TRAPPC6B: variants seen among roughly 807,000 people sequenced by gnomAD.
TRAPPC6B encodes the protein trafficking protein particle complex subunit 6B.
TRAPPC6B carries 27 observed loss-of-function variants against 24.7 expected under a neutral mutation model. The ratio of observed to expected loss-of-function variants is 1.09; its 90% CI spans 0.81 to 1.51. TRAPPC6B has a LOEUF of 1.51. TRAPPC6B is among the 40% of genes most tolerant of loss of function. TRAPPC6B has a pLI of 0.00. For missense variants in TRAPPC6B, 212 were observed against 190.8 expected (o/e 1.11, Z -0.66); for synonymous variants, 80 against 66.6 (o/e 1.20, Z -0.98).
At chr14:39,153,122 C>A (rs2052934309) in intron 4 of TRAPPC6B, among the ~76,000 whole-genome samples, 1 of 151,844 alleles carries the variant, frequency 6.6e-6, no homozygotes, top group Admixed American at 6.6e-5. Context: ...GAAACCCTGT[C>A]TCTACTAAAG....
intron 1 of TRAPPC6B, among the ~76,000 whole-genome samples, chr14:39,160,486 G>A (rs2053042618): frequency 6.6e-6 from 1 of 151,900 alleles, no homozygotes. Flanking sequence ...TGGATTGCTT[G>A]AGTCCAGGAA....
intron 1 of TRAPPC6B, among the ~76,000 whole-genome samples, 165 bp from the exon 2 acceptor site, chr14:39,159,715 AC>A (rs1365404402): frequency 6.6e-6 from 1 of 151,908 alleles, no homozygotes; most frequent in African/African-American, 2.4e-5. Flanking sequence ...TATTTATTTT[AC>A]TTTACTTTTA....
intron 5 of TRAPPC6B, among the ~76,000 whole-genome samples, chr14:39,150,921 A>C (rs1216885668): frequency 6.6e-6 from 1 of 152,172 alleles, no homozygotes; most frequent in Admixed American, 6.5e-5. Flanking sequence ...ATTTGGGTAC[A>C]GTATTTCATG....
chr14:39,168,091 C>A (rs2139391748), intron 1 of TRAPPC6B, among the ~76,000 whole-genome samples: 1 of 152,050 alleles, frequency 6.6e-6, no homozygotes, highest in Admixed American at 6.5e-5. Flanking sequence ...TGGCCGGCAC[C>A]TGTAATTCCA....
chr14:39,165,879 A>G (rs978706362), intron 1 of TRAPPC6B, among the ~76,000 whole-genome samples: 1 of 152,010 alleles, frequency 6.6e-6, no homozygotes, highest in Non-Finnish European at 1.5e-5. Context: ...TCTCGGCTCA[A>G]TGCAACCTCC....
At chr14:39,155,488 G>A (rs1407269482) in intron 3 of TRAPPC6B, among the ~76,000 whole-genome samples, 5 of 151,644 alleles carry the variant, frequency 3.3e-5, no homozygotes, top group African/African-American at 9.7e-5. Flanking sequence ...TGATCCACCC[G>A]CCTTGGCCTC....
At chr14:39,165,850 T>C (rs1176093664) in intron 1 of TRAPPC6B, among the ~76,000 whole-genome samples, 2 of 149,794 alleles carry the variant, frequency 1.3e-5, no homozygotes, top group South Asian at 2.1e-4. Context: ...GTCACCCAGG[T>C]TGGAGTGCAG....
chr14:39,153,996 C>T (rs1566546131), intron 4 of TRAPPC6B, among the ~76,000 whole-genome samples: 1 of 152,072 alleles, frequency 6.6e-6, no homozygotes, highest in Non-Finnish European at 1.5e-5. Flanking sequence ...TGAGCCATAG[C>T]GCCCGGCCAG....
chr14:39,160,580 AAAGAG>A (rs1356592653), intron 1 of TRAPPC6B, among the ~76,000 whole-genome samples: 4 of 151,182 alleles, frequency 2.6e-5, no homozygotes, highest in Admixed American at 6.6e-5. Flanking sequence ...GAAAGAAAGA[AAAGAG>A]AAGAGAAGAG....
chr14:39,158,467 T>C, intron 2 of TRAPPC6B, 65 bp from the exon 3 acceptor site: 2 of 915,038 alleles, frequency 2.2e-6, no homozygotes, highest in South Asian at 1.5e-5. Context: ...GGACTAATTA[T>C]TAACTAATTT....
chr14:39,168,599 T>C (rs1054121677), intron 1 of TRAPPC6B, among the ~76,000 whole-genome samples: 1 of 152,160 alleles, frequency 6.6e-6, no homozygotes, highest in African/African-American at 2.4e-5. Flanking sequence ...ACTCATTATC[T>C]TACCTCCTTA....
intron 4 of TRAPPC6B, among the ~76,000 whole-genome samples, chr14:39,153,087 T>C (rs1003037391): frequency 6.6e-6 from 1 of 151,802 alleles, no homozygotes; most frequent in Non-Finnish European, 1.5e-5. Flanking sequence ...GGTCAGGAGT[T>C]TGAGACTAGC....
intron 1 of TRAPPC6B, among the ~76,000 whole-genome samples, chr14:39,166,255 T>TAA (rs907540561): frequency 1.7e-4 from 18 of 106,790 alleles, no homozygotes; most frequent in Admixed American, 5.1e-4. Flanking sequence ...ACTTGTCTCT[T>TAA]AAAAAAAAAA....
At chr14:39,155,187 C>T (rs1343382899) in intron 3 of TRAPPC6B, among the ~76,000 whole-genome samples, 1 of 152,188 alleles carries the variant, frequency 6.6e-6, no homozygotes, top group African/African-American at 2.4e-5. Context: ...GCCTCAGCCT[C>T]CCAAAGTGCT....
intron 2 of TRAPPC6B, 108 bp from the exon 3 acceptor site, chr14:39,158,510 G>T: frequency 1.4e-6 from 1 of 691,428 alleles, no homozygotes; most frequent in African/African-American, 1.9e-5. Flanking sequence ...ACATTTATTG[G>T]GTTTTTTAAT....
chr14:39,159,697 G>A, intron 1 of TRAPPC6B, 147 bp from the exon 2 acceptor site: 2 of 485,092 alleles, frequency 4.1e-6, no homozygotes, highest in Non-Finnish European at 6.8e-6. Context: ...GAATTATAAG[G>A]TTGATTTTAT....
At position 39,152,533 on chromosome 14, in the gene TRAPPC6B, C is replaced by A. The variant is rs548335518; in HGVS notation, c.352-694G>T. Among the ~76,000 whole-genome samples, 3 of 152,226 alleles carry A rather than the reference C, an allele frequency of 2.0e-5. No individual in the cohort carries two copies. In the East Asian group the frequency reaches 5.8e-4, roughly 29 times the overall value. On this transcript the variant is annotated intron_variant, in intron 4 of 5. Coordinates refer to ENST00000330149, the MANE Select transcript of TRAPPC6B (RefSeq NM_001079537.2). ...CACATCTATACTGCATGATGTTCAA[C>A]ATACTACATTATCTACGAATAATAT...
At chr14:39,163,287 C>T (rs889681273) in intron 1 of TRAPPC6B, among the ~76,000 whole-genome samples, 4 of 149,076 alleles carry the variant, frequency 2.7e-5, no homozygotes, top group Non-Finnish European at 5.9e-5. Context: ...AGGAGAAACG[C>T]TTGAACCCAG....
intron 4 of TRAPPC6B, 41 bp from the exon 5 acceptor site, chr14:39,151,880 T>TAA: frequency 4.5e-6 from 6 of 1,332,096 alleles, no homozygotes; most frequent in Non-Finnish European, 6.4e-6. Flanking sequence ...AAGGATTTAC[T>TAA]AAAATAGTAA....
Sources: gnomAD v4.1 joint callset for allele counts (sites outside exome capture counted in the v4.1 genomes callset) on GRCh38, gnomAD v4.1.1 for gene constraint, MANE v1.5 for transcripts, NCBI Gene and HGNC (gene_info 2026-07-23, HGNC 2026-07-21) for gene names.